Variants in NREP observed in about 807,000 individuals in gnomAD.
NREP encodes neuronal regeneration-related protein.
NREP carries 5 observed loss-of-function variants against 8.6 expected under a neutral mutation model. The observed-to-expected ratio is 0.58, with a 90% confidence interval of 0.30 to 1.22. NREP has a LOEUF of 1.22. Ranked by LOEUF, NREP falls within the 50% of genes most tolerant of loss-of-function variation. The pLI is 0.07. For missense variants in NREP, 86 were observed against 82.5 expected, an observed-to-expected ratio of 1.04 and a Z score of -0.17; for synonymous variants, 27 against 28.0, an observed-to-expected ratio of 0.96 and a Z score of 0.11.
intron 2 of NREP, among the ~76,000 whole-genome samples, chr5:111,875,726 T>A (rs1376641376): frequency 1.3e-5 from 2 of 152,208 alleles, no homozygotes; most frequent in Non-Finnish European, 2.9e-5. Flanking sequence ...TAATTTTAAA[T>A]TAGTGGAAGG....
intron 2 of NREP, among the ~76,000 whole-genome samples, chr5:111,826,561 C>A (rs1471883253): frequency 6.6e-6 from 1 of 152,208 alleles, no homozygotes; most frequent in Non-Finnish European, 1.5e-5. Context: ...ACTCAGGACA[C>A]ACCATCTTTA....
chr5:111,804,656 T>C (rs1165011650), intron 2 of NREP, among the ~76,000 whole-genome samples: 1 of 151,880 alleles, frequency 6.6e-6, no homozygotes, highest in African/African-American at 2.4e-5. Context: ...CTGCTATCCC[T>C]AATATGTAAT....
intron 2 of NREP, among the ~76,000 whole-genome samples, chr5:111,778,854 A>G (rs1480469947): frequency 1.3e-5 from 2 of 152,174 alleles, no homozygotes; most frequent in African/African-American, 4.8e-5. Flanking sequence ...TCAACAGCAT[A>G]CGATGATTTT....
intron 2 of NREP, among the ~76,000 whole-genome samples, chr5:111,963,531 C>T (rs1756540304): frequency 6.6e-6 from 1 of 152,224 alleles, no homozygotes; most frequent in Non-Finnish European, 1.5e-5. Flanking sequence ...GACTAAACTT[C>T]TCCCTGAAAC....
At chr5:111,888,663 A>C in intron 2 of NREP, among the ~76,000 whole-genome samples, 1 of 152,190 alleles carries the variant, frequency 6.6e-6, no homozygotes, top group East Asian at 1.9e-4. Context: ...TTGCAATGAA[A>C]AGTGTACAAC....
At chr5:111,884,944 T>C (rs1457594740) in intron 2 of NREP, among the ~76,000 whole-genome samples, 2 of 152,198 alleles carry the variant, frequency 1.3e-5, no homozygotes, top group South Asian at 2.1e-4. Flanking sequence ...TTGCCACTCC[T>C]ATTCAACCTA....
chr5:111,965,952 G>A (rs536798496), intron 2 of NREP, among the ~76,000 whole-genome samples: 49 of 152,172 alleles, frequency 3.2e-4, no homozygotes, highest in Non-Finnish European at 5.9e-4. Context: ...TGATAGCACA[G>A]GTTGAAGCCC....
chr5:111,950,119 C>T (rs531507492), intron 2 of NREP, among the ~76,000 whole-genome samples: 2 of 152,166 alleles, frequency 1.3e-5, no homozygotes, highest in African/African-American at 4.8e-5. Flanking sequence ...TAATAATCAC[C>T]ATTCTAACTG....
chr5:111,864,426 T>G (rs1251855774), intron 2 of NREP, among the ~76,000 whole-genome samples: 1 of 152,050 alleles, frequency 6.6e-6, no homozygotes, highest in Non-Finnish European at 1.5e-5. Flanking sequence ...GCATTTCTAA[T>G]AGGGAGATAT....
intron 2 of NREP, among the ~76,000 whole-genome samples, chr5:111,861,703 T>C (rs1753547466): frequency 1.3e-5 from 2 of 152,220 alleles, no homozygotes. Context: ...AAATACATTT[T>C]GCTTTAGATG....
chr5:111,865,396 A>T (rs57227445), intron 2 of NREP, among the ~76,000 whole-genome samples: 1 of 152,040 alleles, frequency 6.6e-6, no homozygotes, highest in Admixed American at 6.6e-5. Flanking sequence ...CATTGAAAAT[A>T]CATGGGAGGG....
At chr5:111,925,434 T>A (rs1755359068) in intron 2 of NREP, among the ~76,000 whole-genome samples, 1 of 152,132 alleles carries the variant, frequency 6.6e-6, no homozygotes, top group South Asian at 2.1e-4. Context: ...AAAGCAGCCA[T>A]CAGAGATTCC....
chr5:111,893,936 G>C (rs1392929622), intron 2 of NREP, among the ~76,000 whole-genome samples: 1 of 152,010 alleles, frequency 6.6e-6, no homozygotes, highest in African/African-American at 2.4e-5. Flanking sequence ...AATAATAACA[G>C]GCCGGGCGCA....
At chr5:111,732,545 C>CGA (rs899898636) in intron 3 of NREP, 11 of 151,524 alleles carry the variant, frequency 7.3e-5, no homozygotes, top group Admixed American at 3.3e-4. Flanking sequence ...TATAATTCAC[C>CGA]ACTCACACAC....
At chr5:111,750,608 TC>T (rs1389995241) in intron 2 of NREP, among the ~76,000 whole-genome samples, 1 of 152,216 alleles carries the variant, frequency 6.6e-6, no homozygotes, top group African/African-American at 2.4e-5. Flanking sequence ...TCCCCAGTCC[TC>T]ACTAACATCA....
chr5:111,917,752 G>T (rs532549500), intron 2 of NREP, among the ~76,000 whole-genome samples: 1 of 152,026 alleles, frequency 6.6e-6, no homozygotes, highest in Non-Finnish European at 1.5e-5. Flanking sequence ...AGCCAATATC[G>T]TACTGAATGG....
intron 2 of NREP, among the ~76,000 whole-genome samples, chr5:111,764,255 G>A (rs748213410): frequency 9.2e-5 from 14 of 152,144 alleles, no homozygotes; most frequent in Non-Finnish European, 1.9e-4. Flanking sequence ...CAGTTCAGAG[G>A]CAGAGATGGA....
In NREP at chr5:111,855,861, G is replaced by T. The variant is rs576781851; in HGVS notation, c.135+119413C>A. ...AATCAGGTGAAAATGCACACCAAAT[G>T]TAGCTTGGAGGGGGAAAAAAAAGAT... On this transcript the variant is annotated intron_variant, in intron 2 of 3. Coordinates refer to the NREP transcript ENST00000395634. 1.3e-3 allele frequency among the ~76,000 whole-genome samples: 194 copies of T among 152,176 alleles called. 2 individuals are homozygous for T. The highest frequency in any genetic ancestry group is 4.4e-3 in the African/African-American group (184 of 41,538).
chr5:111,815,486 G>T (rs1038476654), intron 2 of NREP, among the ~76,000 whole-genome samples: 1 of 151,534 alleles, frequency 6.6e-6, no homozygotes. Flanking sequence ...AGTTATCAAA[G>T]AAAGTTTTTT....
Sources: allele counts gnomAD v4.1 joint callset (sites outside exome capture counted in the v4.1 genomes callset), GRCh38; gene constraint gnomAD v4.1.1; transcripts MANE v1.5; gene names NCBI Gene and HGNC (gene_info 2026-07-23, HGNC 2026-07-21).